Variants in CARM1 observed in about 807,000 individuals in gnomAD.
The protein encoded by CARM1 is histone-arginine methyltransferase CARM1.
In CARM1, 14 loss-of-function variants were observed where a neutral mutation model predicts 72.7. The ratio of observed to expected loss-of-function variants is 0.19; its 90% CI spans 0.13 to 0.30. The LOEUF is 0.30. Among genes scored for constraint, CARM1 ranks in the 10% least tolerant of loss-of-function variants. The pLI is 1.00. For missense variants in CARM1, 432 were observed against 833.7 expected (o/e 0.52, Z 5.93); for synonymous variants, 333 against 345.5 (o/e 0.96, Z 0.40).
intron 6 of CARM1, among the ~76,000 whole-genome samples, 158 bp downstream of exon 6, chr19:10,914,212 C>A (rs1241117097): frequency 6.6e-6 from 1 of 152,160 alleles, no homozygotes; most frequent in Non-Finnish European, 1.5e-5. Context: ...CCCACTCCAG[C>A]CAGCTGTGGC....
chr19:10,914,946 A>G (rs2074183485), intron 6 of CARM1, among the ~76,000 whole-genome samples: 2 of 152,134 alleles, frequency 1.3e-5, no homozygotes, highest in Admixed American at 6.6e-5. Context: ...CATGCTAGGT[A>G]TGTGAGCGTC....
At chr19:10,887,255 C>T (rs2073948815) in intron 1 of CARM1, among the ~76,000 whole-genome samples, 1 of 152,232 alleles carries the variant, frequency 6.6e-6, no homozygotes, top group Admixed American at 6.5e-5. Flanking sequence ...GCTCCTGGTC[C>T]TTGTCCTGTG....
At chr19:10,885,575 C>T (rs774968330) in intron 1 of CARM1, among the ~76,000 whole-genome samples, 29 of 152,202 alleles carry the variant, frequency 1.9e-4, no homozygotes, top group Non-Finnish European at 1.3e-4. Flanking sequence ...TGTTAACCAT[C>T]CCGGGCAGGG....
intron 1 of CARM1, among the ~76,000 whole-genome samples, chr19:10,899,352 A>G (rs1243035665): frequency 1.3e-5 from 2 of 152,212 alleles, no homozygotes; most frequent in Non-Finnish European, 2.9e-5. Context: ...CCCTGGGCCC[A>G]CTTGCTGTCG....
intron 2 of CARM1, among the ~76,000 whole-genome samples, chr19:10,907,706 C>G (rs747709759): frequency 4.2e-4 from 64 of 152,186 alleles, no homozygotes; most frequent in Non-Finnish European, 7.1e-4. Context: ...GCTTATTTGC[C>G]AGAGCTTTGA....
Position 10,916,555 on chromosome 19 carries a change from C to G in CARM1, c.938+58C>G. On this transcript the variant is annotated intron_variant, in intron 7 of 15. Transcript: ENST00000327064. The surrounding 1 kb of genome is among the most constrained non-coding windows in gnomAD (Gnocchi z 4.4). ...CACAGCCTGCCTTCTCAGGGACAGC[C>G]CCAGCTCCCCAGAGAGCCTGCACTC... 6.9e-7 allele frequency: 1 copy of G among 1,439,910 alleles called. No homozygotes were observed. Among genetic ancestry groups the G allele is most frequent in the Non-Finnish European group, 9.8e-7 (1 of 1,025,074 alleles). 89.2% of individuals were successfully genotyped at this position (1,439,910 alleles called of 1,614,324 possible). A position where few individuals can be genotyped will look rare whatever the true frequency, so the allele number is the denominator to read the frequency against.
chr19:10,912,072 C>G lies in CARM1; in HGVS notation c.559-112C>G. 1.2e-6 allele frequency: 1 copy of G among 821,196 alleles called. No individual in the cohort carries two copies. The highest frequency in any genetic ancestry group is 1.4e-5 in the South Asian group (1 of 72,582). 50.9% of individuals were successfully genotyped at this position (821,196 alleles called of 1,614,324 possible). On this transcript the variant is annotated intron_variant, in intron 4 of 15. Coordinates refer to ENST00000327064, the MANE Select transcript of CARM1 (RefSeq NM_199141.2). This position sits in a 1 kb window ranked among gnomAD's most constrained non-coding sequence, Gnocchi z 4.5. ...TGACCAAGAGCCCATAAAGGGCAAA[C>G]ATTGAGAGTGAAGACAGACGCCTCA...
rs2074276054 is a variant in CARM1, at chr19:10,922,625, C to T, written c.*868C>T. On this transcript the variant is annotated 3_prime_UTR_variant, in exon 16 of 16. Transcript: ENST00000327064. ...GCTAACGTTAGGCCTGAGTAGCTCCCCTCCATCCTTGTAGACGCTCCAGTC... is the reference window on the plus strand; with the variant it reads ...GCTAACGTTAGGCCTGAGTAGCTCCTCTCCATCCTTGTAGACGCTCCAGTC... 1 of 152,384 alleles carries T rather than the reference C, an allele frequency of 6.6e-6. No individual in the cohort carries two copies. Among genetic ancestry groups the T allele is most frequent in the Non-Finnish European group, 1.5e-5 (1 of 68,082 alleles). 9.4% of individuals were successfully genotyped at this position (152,384 alleles called of 1,614,324 possible). A position where few individuals can be genotyped will look rare whatever the true frequency, so the allele number is the denominator to read the frequency against.
At chr19:10,904,000 C>T (rs1285296178) in intron 1 of CARM1, among the ~76,000 whole-genome samples, 1 of 152,176 alleles carries the variant, frequency 6.6e-6, no homozygotes, top group African/African-American at 2.4e-5. Flanking sequence ...CCAGCCTCCC[C>T]AGTTGTCCTG....
chr19:10,912,140 C>A lies in CARM1; in HGVS notation c.559-44C>A. On this transcript the variant is annotated intron_variant, in intron 4 of 15. Transcript: ENST00000327064. The surrounding 1 kb of genome is among the most constrained non-coding windows in gnomAD (Gnocchi z 4.5). Reference sequence around the variant, plus strand: ...ATGATCACTGTCACCTCCCCATCACCGTCGCCTCCTATGTCTCGCTCTCAC... The same window carrying A: ...ATGATCACTGTCACCTCCCCATCACAGTCGCCTCCTATGTCTCGCTCTCAC... The A allele has an allele frequency of 7.2e-7, 1 of 1,391,834 alleles. No individual in the cohort carries two copies. The highest frequency in any genetic ancestry group is 2.3e-5 in the East Asian group (1 of 43,862). The allele number at this position is 1,391,834 out of a possible 1,614,324, so 86.2% of individuals were successfully genotyped here.
chr19:10,894,959 G>C (rs930439657), intron 1 of CARM1, among the ~76,000 whole-genome samples: 12 of 152,064 alleles, frequency 7.9e-5, no homozygotes, highest in African/African-American at 2.9e-4. Context: ...TACCCAGGCT[G>C]GTCTCAAACT....
At chr19:10,876,860 G>T (rs961031674) in intron 1 of CARM1, among the ~76,000 whole-genome samples, 1 of 152,244 alleles carries the variant, frequency 6.6e-6, no homozygotes, top group African/African-American at 2.4e-5. Flanking sequence ...GCCCTGTGGC[G>T]CTCTTTCTGG....
In CARM1 at chr19:10,920,317, G is replaced by A; in HGVS notation, c.1197-119G>A. 1 of 1,222,392 alleles carries A rather than the reference G, an allele frequency of 8.2e-7. No homozygotes were observed. Among genetic ancestry groups the A allele is most frequent in the Non-Finnish European group, 1.1e-6 (1 of 887,062 alleles). 75.7% of individuals were successfully genotyped at this position (1,222,392 alleles called of 1,614,324 possible). ...TGGGGGCCAGCCTGTCTCTGCTCCAGGGTCCCAGGGGTCCCTGGCAGAGGG... is the reference window on the plus strand; with the variant it reads ...TGGGGGCCAGCCTGTCTCTGCTCCAAGGTCCCAGGGGTCCCTGGCAGAGGG... On this transcript the variant is annotated intron_variant, in intron 10 of 15. Transcript: ENST00000327064. This position sits in a 1 kb window ranked among gnomAD's most constrained non-coding sequence, Gnocchi z 5.3.
intron 1 of CARM1, among the ~76,000 whole-genome samples, chr19:10,872,759 C>T (rs1401997903): frequency 2.0e-5 from 3 of 151,844 alleles, no homozygotes; most frequent in Admixed American, 6.6e-5. Flanking sequence ...GTTCATTCTT[C>T]TTCTTGTTAC....
At chr19:10,889,090 A>G (rs572090711) in intron 1 of CARM1, among the ~76,000 whole-genome samples, 3 of 152,220 alleles carry the variant, frequency 2.0e-5, no homozygotes, top group African/African-American at 7.2e-5. Flanking sequence ...TCCAGAGCCC[A>G]CCTAGATGGG....
rs577958959 is a variant in CARM1 at position 10,887,338 on chromosome 19, G to A, written c.220+15416G>A. 1.8e-4 allele frequency among the ~76,000 whole-genome samples: 27 copies of A among 152,308 alleles called. No homozygotes were observed. The South Asian group carries it at 4.8e-3, about 27-fold the overall frequency. On this transcript the variant is annotated intron_variant, in intron 1 of 15. Transcript: ENST00000327064. ...GGTCCCGTCTCCCCTGGTTCCTGCC[G>A]TGTGCCTGATTTCTTTGTGGCATCA... is the stretch of plus-strand genomic sequence containing the variant.
intron 15 of CARM1, 73 bp downstream of exon 15, chr19:10,921,516 C>T (rs1199719642): frequency 2.6e-6 from 4 of 1,566,246 alleles, no homozygotes; most frequent in Non-Finnish European, 3.5e-6. Context: ...TGTCCGGCCG[C>T]CCGCCTGCCC....
intron 1 of CARM1, among the ~76,000 whole-genome samples, chr19:10,884,011 CTGTT>C (rs1033900888): frequency 1.9e-5 from 2 of 107,090 alleles, no homozygotes; most frequent in African/African-American, 3.3e-5. Context: ...GAGCGAGACT[CTGTT>C]TTTTTTTTTT....
chr19:10,876,143 T>G (rs1363185885), intron 1 of CARM1, among the ~76,000 whole-genome samples: 1 of 152,108 alleles, frequency 6.6e-6, no homozygotes, highest in East Asian at 1.9e-4. Context: ...CCTCCTAAAG[T>G]GCTGGGATTA....
Sources: allele counts gnomAD v4.1 joint callset (sites outside exome capture counted in the v4.1 genomes callset), GRCh38; gene constraint gnomAD v4.1.1; non-coding constraint Gnocchi (gnomAD v3.1); transcripts MANE v1.5; gene names NCBI Gene and HGNC (gene_info 2026-07-23, HGNC 2026-07-21).